The following MAP7 variants were observed in gnomAD, a reference collection of about 807,000 sequenced individuals.
MAP7 encodes microtubule associated protein 7.
In MAP7, 52 loss-of-function variants were observed where a neutral mutation model predicts 94.8. The ratio of observed to expected loss-of-function variants is 0.55; its 90% CI spans 0.44 to 0.69. The LOEUF is 0.69. Among genes scored for constraint, MAP7 ranks in the 30% least tolerant of loss-of-function variants. The pLI, the probability that MAP7 is intolerant of heterozygous loss-of-function variation, is 0.00. For synonymous variants in MAP7, 350 were observed against 357.0 expected (o/e 0.98, Z 0.22); for missense variants, 940 against 964.6 (o/e 0.97, Z 0.34).
chr6:136,526,198 C>G, intron 1 of MAP7: 1 of 1,239,492 alleles, frequency 8.1e-7, no homozygotes, highest in Non-Finnish European at 1.0e-6. Context: ...ACCTCCCCTA[C>G]CAGCCCCCTC....
chr6:136,444,635 C>T (rs1361430436), intron 1 of MAP7, among the ~76,000 whole-genome samples: 1 of 152,074 alleles, frequency 6.6e-6, no homozygotes, highest in Non-Finnish European at 1.5e-5. Context: ...AATTTGATAC[C>T]ACTTTTGGAT....
intron 1 of MAP7, among the ~76,000 whole-genome samples, chr6:136,433,879 G>A (rs1446436451): frequency 6.6e-6 from 1 of 152,180 alleles, no homozygotes; most frequent in Non-Finnish European, 1.5e-5. Flanking sequence ...TTGTGCCAGG[G>A]AGTACCTGAG....
intron 1 of MAP7, among the ~76,000 whole-genome samples, chr6:136,495,453 TACACACAC>T (rs55923280): frequency 4.1e-4 from 59 of 143,022 alleles, no homozygotes; most frequent in East Asian, 1.4e-3. Flanking sequence ...AGTGTGAGAA[TACACACAC>T]ACACACACAC....
At chr6:136,464,691 A>T (rs1207051679) in intron 1 of MAP7, among the ~76,000 whole-genome samples, 1 of 152,112 alleles carries the variant, frequency 6.6e-6, no homozygotes, top group Non-Finnish European at 1.5e-5. Flanking sequence ...CTTTTTGGTC[A>T]TTTTGTTTGT....
At chr6:136,456,872 A>AAGAAG (rs1803405731) in intron 1 of MAP7, among the ~76,000 whole-genome samples, 3 of 150,796 alleles carry the variant, frequency 2.0e-5, no homozygotes, top group East Asian at 1.9e-4. Context: ...GAAGAAGAAG[A>AAGAAG]AATACTTCAA....
At chr6:136,537,475 TAC>T (rs1208632573) in intron 1 of MAP7, among the ~76,000 whole-genome samples, 1 of 152,238 alleles carries the variant, frequency 6.6e-6, no homozygotes. Context: ...CTGGGCCTTA[TAC>T]AGTCACTGCA....
chr6:136,529,413 G>A (rs1358993338), intron 1 of MAP7, among the ~76,000 whole-genome samples: 5 of 152,060 alleles, frequency 3.3e-5, no homozygotes, highest in East Asian at 1.9e-4. Context: ...AAGCCACCGC[G>A]CCCAGCCTCC....
chr6:136,360,193 G>A (rs1180914283), intron 13 of MAP7, among the ~76,000 whole-genome samples, 162 bp from the exon 14 acceptor site: 2 of 148,550 alleles, frequency 1.3e-5, no homozygotes, highest in Admixed American at 6.8e-5. Flanking sequence ...GCCCTGTCAC[G>A]CAGGCTGGAG....
At chr6:136,484,310 G>C (rs965597990) in intron 1 of MAP7, among the ~76,000 whole-genome samples, 1 of 152,070 alleles carries the variant, frequency 6.6e-6, no homozygotes, top group Non-Finnish European at 1.5e-5. Flanking sequence ...TTATTAAATA[G>C]TAAAGTATAG....
Position 136,550,358 on chromosome 6 carries a change from T to A in MAP7, c.51A>T (p.Ala17=). The A allele has an allele frequency of 6.5e-7, 1 of 1,528,644 alleles. No individual in the cohort carries two copies. Among genetic ancestry groups the A allele is most frequent in the Non-Finnish European group, 8.7e-7 (1 of 1,146,202 alleles). 94.7% of individuals were successfully genotyped at this position (1,528,644 alleles called of 1,614,324 possible). A position where few individuals can be genotyped will look rare whatever the true frequency, so the allele number is the denominator to read the frequency against. The change falls in exon 1 of 18, where the codon GCA becomes GCT. Residue 17 remains alanine, a synonymous_variant. Coordinates refer to ENST00000354570, the MANE Select transcript of MAP7 (RefSeq NM_003980.6). The surrounding 1 kb of genome is among the most constrained non-coding windows in gnomAD (Gnocchi z 5.1). ...TGCGGTCACCTGTTTCGCTTCGCAC[T>A]GCGCCGTCGCCGCCCCTGTGGCCGT... ...GGDGHRGGDG[A]VRSETAPDSY... is the part of the protein sequence containing the mutation.
intron 2 of MAP7, among the ~76,000 whole-genome samples, chr6:136,419,095 C>T (rs1460346027): frequency 6.6e-6 from 1 of 152,164 alleles, no homozygotes; most frequent in Non-Finnish European, 1.5e-5. Context: ...ATTTTTCTGG[C>T]TTCTGATCTC....
chr6:136,381,268 T>G (rs1382853395), intron 6 of MAP7, among the ~76,000 whole-genome samples: 1 of 152,112 alleles, frequency 6.6e-6, no homozygotes, highest in Admixed American at 6.5e-5. Flanking sequence ...AGTCTTGACC[T>G]CCCAAGGCTT....
At chr6:136,345,752 G>C (rs1019438727) in intron 17 of MAP7, 104 bp downstream of exon 17, 5 of 979,416 alleles carry the variant, frequency 5.1e-6, no homozygotes, top group Non-Finnish European at 8.2e-6. Context: ...GTCCTTTGAA[G>C]AACAAAGTGT....
chr6:136,400,423 A>G (rs2128706023), intron 3 of MAP7, among the ~76,000 whole-genome samples: 1 of 152,228 alleles, frequency 6.6e-6, no homozygotes, highest in African/African-American at 2.4e-5. Flanking sequence ...CTCAAAAAAA[A>G]AAAAAAAAGA....
At chr6:136,457,015 T>C (rs1004388310) in intron 1 of MAP7, among the ~76,000 whole-genome samples, 2 of 83,620 alleles carry the variant, frequency 2.4e-5, no homozygotes, top group African/African-American at 6.6e-5. Flanking sequence ...AAAAACTCAA[T>C]GAAACAAAGT....
chr6:136,367,057 AT>A (rs1244725415), intron 8 of MAP7, among the ~76,000 whole-genome samples: 2 of 152,184 alleles, frequency 1.3e-5, no homozygotes, highest in African/African-American at 4.8e-5. Flanking sequence ...AATTTCAGCT[AT>A]TTATTTTTTT....
chr6:136,501,918 CTCCT>C, intron 1 of MAP7, among the ~76,000 whole-genome samples: 1 of 152,174 alleles, frequency 6.6e-6, no homozygotes, highest in East Asian at 1.9e-4. Flanking sequence ...GGAAAGATTC[CTCCT>C]GTGAATTCAG....
chr6:136,432,125 T>C (rs1795107208), intron 1 of MAP7, among the ~76,000 whole-genome samples: 1 of 152,146 alleles, frequency 6.6e-6, no homozygotes, highest in African/African-American at 2.4e-5. Flanking sequence ...TCTTCACTTC[T>C]ATGTTCCCGA....
intron 2 of MAP7, among the ~76,000 whole-genome samples, chr6:136,412,144 G>A (rs1007635466): frequency 2.0e-5 from 3 of 152,132 alleles, no homozygotes; most frequent in South Asian, 4.1e-4. Context: ...GTCACTCGCC[G>A]GCCAAGGTAC....
Sources: allele counts gnomAD v4.1 joint callset (sites outside exome capture counted in the v4.1 genomes callset), GRCh38; gene constraint gnomAD v4.1.1; non-coding constraint Gnocchi (gnomAD v3.1); transcripts MANE v1.5; gene names NCBI Gene and HGNC (gene_info 2026-07-23, HGNC 2026-07-21).